The following EDARADD variants were observed in gnomAD, a reference collection of about 807,000 sequenced individuals.
EDARADD encodes the protein EDAR associated via death domain.
Under a neutral mutation model 25.6 loss-of-function variants are expected in EDARADD, and 20 were observed. That is an observed-to-expected ratio of 0.78 (90% confidence interval 0.55 to 1.14). The LOEUF (loss-of-function observed/expected upper bound fraction) is 1.14, where lower values mean the gene tolerates loss of function less well. Among genes scored for constraint, EDARADD ranks in the 50% most tolerant of loss-of-function variants. EDARADD has a pLI of 0.00. For synonymous variants in EDARADD, 86 were observed against 94.4 expected (o/e 0.91, Z 0.52); for missense variants, 225 against 270.1 (o/e 0.83, Z 1.17).
rs1667140061 is a variant in EDARADD at position 236,368,636 on chromosome 1, C to T, written c.-6+17797C>T. On this transcript the variant is annotated intron_variant, in intron 3 of 7. Transcript: ENST00000439430. ...TGTATTTTTAGTAGGGAAAGGGTTT[C>T]TCCATGTTGGTCAGGCTGGTCTCGA... Among the ~76,000 whole-genome samples, 4 of 152,012 alleles carry T rather than the reference C, an allele frequency of 2.6e-5. No individual in the cohort carries two copies. The South Asian group carries it at 8.3e-4, about 32-fold the overall frequency.
At chr1:236,385,552 C>T (rs1667343440) in intron 3 of EDARADD, among the ~76,000 whole-genome samples, 1 of 151,744 alleles carries the variant, frequency 6.6e-6, no homozygotes, top group African/African-American at 2.4e-5. Context: ...GCTGAAACCC[C>T]GTCTCTACTA....
Position 236,483,896 on chromosome 1 carries a change from G to A in EDARADD, c.*1247G>A. ...ACACTGATAAGGTGATCGTCAGCAT[G>A]GACGTAGAGGCCTCCGAGTTCTTCA... On this transcript the variant is annotated 3_prime_UTR_variant, in exon 6 of 6. Coordinates refer to ENST00000334232, the MANE Select transcript of EDARADD (RefSeq NM_145861.4). 1 of 1,373,256 alleles carries A rather than the reference G, an allele frequency of 7.3e-7. No homozygotes were observed. The highest frequency in any genetic ancestry group is 2.3e-5 in the East Asian group (1 of 43,606). 85.1% of individuals were successfully genotyped at this position (1,373,256 alleles called of 1,614,324 possible).
At chr1:236,427,977 A>ATTTTAT (rs1553267339) in intron 4 of EDARADD, among the ~76,000 whole-genome samples, 2 of 58,840 alleles carry the variant, frequency 3.4e-5, no homozygotes, top group African/African-American at 6.1e-5. Context: ...ATTTTATTTT[A>ATTTTAT]TTTTTTTAGT....
intron 3 of EDARADD, among the ~76,000 whole-genome samples, chr1:236,423,970 G>A (rs535036381): frequency 2.6e-4 from 40 of 152,122 alleles, no homozygotes; most frequent in African/African-American, 9.2e-4. Flanking sequence ...GCCGGGCGTG[G>A]TGGTCGGCAC....
chr1:236,403,604 A>T (rs1036767863), intron 1 of EDARADD, among the ~76,000 whole-genome samples: 13 of 152,106 alleles, frequency 8.5e-5, no homozygotes, highest in Non-Finnish European at 1.8e-4. Flanking sequence ...TTGAAAGTTT[A>T]ATTGTGAACT....
chr1:236,404,055 C>T (rs1024536453), intron 1 of EDARADD, among the ~76,000 whole-genome samples: 2 of 152,166 alleles, frequency 1.3e-5, no homozygotes, highest in African/African-American at 4.8e-5. Flanking sequence ...GAGCAGAGGA[C>T]AGATCCCGCA....
At chr1:236,413,650 G>C (rs1194860487) in intron 2 of EDARADD, among the ~76,000 whole-genome samples, 1 of 152,172 alleles carries the variant, frequency 6.6e-6, no homozygotes, top group East Asian at 1.9e-4. Flanking sequence ...ATGTAAGTAT[G>C]AATAAATGAA....
Position 236,397,067 on chromosome 1 carries a change from C to T in EDARADD, c.61+2562C>T, listed in dbSNP as rs375879052. 4.1e-4 allele frequency among the ~76,000 whole-genome samples: 62 copies of T among 152,064 alleles called. No individual in the cohort carries two copies. The East Asian group carries it at 0.011, about 27-fold the overall frequency. ...CTTGGGCTCCCCTAAATCGACAGTA[C>T]CAGGCAAGATGGGGGCTGGGAAACA... On this transcript the variant is annotated intron_variant, in intron 1 of 5. Transcript: ENST00000334232.
At chr1:236,377,586 G>A (rs913260998) in intron 3 of EDARADD, among the ~76,000 whole-genome samples, 4 of 150,700 alleles carry the variant, frequency 2.7e-5, no homozygotes, top group South Asian at 2.1e-4. Flanking sequence ...TTGGCTGAGC[G>A]TGGTGGCTCA....
intron 5 of EDARADD, among the ~76,000 whole-genome samples, chr1:236,471,575 C>A (rs11577180): frequency 0.16 from 24,089 of 151,908 alleles, 2,335 homozygotes; most frequent in Middle Eastern, 0.25. Context: ...CAAATCTGAC[C>A]ATGTATAACC....
chr1:236,464,500 T>A (rs1308420190), intron 4 of EDARADD, among the ~76,000 whole-genome samples: 4 of 142,288 alleles, frequency 2.8e-5, no homozygotes, highest in Non-Finnish European at 6.1e-5. Context: ...TGGTGTGATC[T>A]CGGCTCAATG....
intron 4 of EDARADD, among the ~76,000 whole-genome samples, chr1:236,432,394 G>GAAA (rs5781880): frequency 1.4e-5 from 2 of 138,148 alleles, no homozygotes; most frequent in African/African-American, 5.5e-5. Flanking sequence ...GCCACCAAAA[G>GAAA]AAAAAAAAAA....
intron 4 of EDARADD, among the ~76,000 whole-genome samples, chr1:236,455,067 G>A (rs1023340168): frequency 6.6e-6 from 1 of 152,126 alleles, no homozygotes; most frequent in Non-Finnish European, 1.5e-5. Context: ...AAAATTAGCT[G>A]GGCGTGGTGG....
chr1:236,390,554 GA>G (rs910591967), upstream of EDARADD, among the ~76,000 whole-genome samples: 1 of 150,188 alleles, frequency 6.7e-6, no homozygotes, highest in African/African-American at 2.4e-5. Context: ...CTCCGTCTCA[GA>G]AAAAAAAAGA....
At chr1:236,459,611 CT>C (rs397860471) in intron 4 of EDARADD, among the ~76,000 whole-genome samples, 17,039 of 100,166 alleles carry the variant, frequency 0.17, 767 homozygotes, top group Non-Finnish European at 0.22. Context: ...TTATTTAGCT[CT>C]TTTTTTTTTT....
In EDARADD at chr1:236,372,914, A is replaced by ATTTTTT. The variant is rs34634477; in HGVS notation, c.-6+22089_-6+22094dup. Among the ~76,000 whole-genome samples the ATTTTTT allele has an allele frequency of 7.0e-5, 8 of 113,602 alleles. 1 individual carries two copies. The highest frequency in any genetic ancestry group is 1.3e-4 in the African/African-American group (4 of 29,780). 74.5% of individuals were successfully genotyped at this position (113,602 alleles called of 152,430 possible). On this transcript the variant is annotated intron_variant, in intron 3 of 7. Transcript: ENST00000439430. ...GGATCATTGTGATGTCTCTTCTTAC[A>ATTTTTT]TTTTTTTTTTTTTTTTTTTGAGACA...
intron 4 of EDARADD, among the ~76,000 whole-genome samples, chr1:236,431,362 G>A (rs1339540713): frequency 2.6e-5 from 4 of 152,106 alleles, no homozygotes; most frequent in Non-Finnish European, 5.9e-5. Flanking sequence ...TGGGAGGATC[G>A]CTTGAGAACT....
At position 236,450,546 on chromosome 1, in the gene EDARADD, A is replaced by G. The variant is rs1170771994; in HGVS notation, c.220-17685A>G. Among the ~76,000 whole-genome samples the G allele has an allele frequency of 1.4e-4, 9 of 64,416 alleles. No individual in the cohort carries two copies. In the East Asian group the frequency reaches 3.9e-3, roughly 28 times the overall value. The allele number at this position is 64,416 out of a possible 152,430, so 42.3% of individuals were successfully genotyped here. A position where few individuals can be genotyped will look rare whatever the true frequency, so the allele number is the denominator to read the frequency against. On this transcript the variant is annotated intron_variant, in intron 4 of 5. Transcript: ENST00000334232. ...TCTAAGGACTTCCCTTCTCCCCCCA[A>G]CCCCCCCTTTTTTTTTCTTTGAGAC...
At position 236,394,628 on chromosome 1, in the gene EDARADD, G is replaced by A. The variant is rs966364; in HGVS notation, c.61+123G>A. On this transcript the variant is annotated intron_variant, in intron 1 of 5. Transcript: ENST00000334232. ...ATACTATTATTATCTTTTTCGACCC[G>A]ACTTTTATCTTTCTGTTCTTATGTG... 0.82 allele frequency: 589,702 copies of A among 720,314 alleles called. 245,020 individuals carry two copies. Among genetic ancestry groups the A allele is most frequent in the East Asian group, 0.94 (33,616 of 35,598 alleles). The allele number at this position is 720,314 out of a possible 1,614,324, so 44.6% of individuals were successfully genotyped here.
Sources: allele counts gnomAD v4.1 joint callset (sites outside exome capture counted in the v4.1 genomes callset), GRCh38; gene constraint gnomAD v4.1.1; transcripts MANE v1.5; gene names NCBI Gene and HGNC (gene_info 2026-07-23, HGNC 2026-07-21).